Variants in ANK1 observed in about 807,000 individuals in gnomAD.
ANK1 encodes ankyrin-1.
A neutral mutation model predicts 210.4 loss-of-function variants in ANK1; 51 were observed. The ratio of observed to expected loss-of-function variants is 0.24; its 90% CI spans 0.19 to 0.31. ANK1 has a LOEUF of 0.31. Ranked by LOEUF, ANK1 falls within the 10% of genes least tolerant of loss-of-function variation. The pLI is 1.00. For missense variants in ANK1, 2,051 were observed against 2,504.4 expected (o/e 0.82, Z 3.86); for synonymous variants, 967 against 1,025.9 (o/e 0.94, Z 1.10).
intron 23 of ANK1, among the ~76,000 whole-genome samples, chr8:41,699,212 G>A (rs527284894): frequency 1.3e-4 from 20 of 152,254 alleles, no homozygotes; most frequent in African/African-American, 4.6e-4. Flanking sequence ...GGGTGGGAGA[G>A]GAGGGGAGCC....
rs1832823480 is a variant in ANK1 at position 41,734,001 on chromosome 8, G to A, written c.198C>T (p.His66=). ...GHVKMVVELL[H]KEIILETTTK... is the part of the protein sequence containing the mutation. ...TTGTCGTTTCTAGAATGATTTCTTT[G>A]TGCAGAAGTTCAACCACCATTTTCA... The change falls in exon 3 of 43, where the codon CAC becomes CAT. Residue 66 remains histidine (H), a synonymous_variant. Transcript: ENST00000289734. 1.9e-6 allele frequency: 3 copies of A among 1,614,068 alleles called. No homozygotes were observed. The South Asian group carries it at 3.3e-5, about 18-fold the overall frequency.
chr8:41,871,185 C>G (rs1187539605), intron 1 of ANK1, among the ~76,000 whole-genome samples: 1 of 152,190 alleles, frequency 6.6e-6, no homozygotes. Context: ...CTGCATTGTT[C>G]TCTGACGCAT....
intron 1 of ANK1, among the ~76,000 whole-genome samples, chr8:41,878,667 GAA>G: frequency 6.6e-6 from 1 of 152,308 alleles, no homozygotes; most frequent in East Asian, 1.9e-4. Flanking sequence ...TTTTAACACA[GAA>G]CAGAGCATTG....
At chr8:41,799,355 A>T (rs1849493379), upstream of ANK1, among the ~76,000 whole-genome samples, 1 of 152,162 alleles carries the variant, frequency 6.6e-6, no homozygotes, top group African/African-American at 2.4e-5. Flanking sequence ...CAGGGGCAAG[A>T]ATGAAGCTTA....
chr8:41,838,401 A>T (rs1247191343), intron 1 of ANK1, among the ~76,000 whole-genome samples: 1 of 152,212 alleles, frequency 6.6e-6, no homozygotes, highest in East Asian at 1.9e-4. Flanking sequence ...TAGTAAAGCT[A>T]ACATTTATTA....
Position 41,690,353 on chromosome 8 carries a change from T to A in ANK1, c.3985-7A>T. 1.2e-6 allele frequency: 2 copies of A among 1,614,162 alleles called. No homozygotes were observed. The highest frequency in any genetic ancestry group is 1.7e-6 in the Non-Finnish European group (2 of 1,180,022). On this transcript the variant is annotated splice_region_variant and splice_polypyrimidine_tract_variant and intron_variant, in intron 32 of 42. Coordinates refer to ENST00000289734, the MANE Select transcript of ANK1 (RefSeq NM_000037.4). Reference sequence around the variant, plus strand: ...CTCGACTGCTGTCCCTCACCTAAACTCAATCACACAAAGGAGAATTCAGGG... The same window carrying A: ...CTCGACTGCTGTCCCTCACCTAAACACAATCACACAAAGGAGAATTCAGGG...
intron 1 of ANK1, among the ~76,000 whole-genome samples, chr8:41,864,919 G>C (rs777817029): frequency 6.6e-6 from 1 of 152,200 alleles, no homozygotes; most frequent in Non-Finnish European, 1.5e-5. Flanking sequence ...CTCCTCTCAG[G>C]GGAGGTCTGT....
At chr8:41,820,691 C>A (rs560423626) in intron 1 of ANK1, among the ~76,000 whole-genome samples, 1 of 152,220 alleles carries the variant, frequency 6.6e-6, no homozygotes, top group East Asian at 1.9e-4. Flanking sequence ...GCTTTCCCCA[C>A]CTTCTAGGTC....
At chr8:41,803,017 GAA>G (rs1321158712) in intron 1 of ANK1, among the ~76,000 whole-genome samples, 1 of 84,042 alleles carries the variant, frequency 1.2e-5, no homozygotes, top group African/African-American at 5.2e-5. Flanking sequence ...AAGAAAGAAA[GAA>G]AGAAAGAAAG....
At chr8:41,677,278 T>G (rs1814469483) in intron 37 of ANK1, among the ~76,000 whole-genome samples, 3 of 152,210 alleles carry the variant, frequency 2.0e-5, no homozygotes, top group Admixed American at 2.0e-4. Flanking sequence ...TCAATGTTAT[T>G]GATCTTTTCA....
intron 1 of ANK1, among the ~76,000 whole-genome samples, chr8:41,780,748 A>T (rs560516452): frequency 6.6e-6 from 1 of 152,324 alleles, no homozygotes; most frequent in South Asian, 2.1e-4. Flanking sequence ...ATGCATGTGC[A>T]CGAGTGTGTG....
intron 6 of ANK1, 87 bp from the exon 7 acceptor site, chr8:41,724,641 G>A: frequency 8.1e-7 from 1 of 1,237,252 alleles, no homozygotes; most frequent in Non-Finnish European, 1.1e-6. Context: ...AACTCAGGTG[G>A]GGCAACAGGA....
chr8:41,743,130 G>GCAGGTCTGCCCACAACAGAATATATTACA (rs1835210224), intron 2 of ANK1, among the ~76,000 whole-genome samples: 1 of 151,880 alleles, frequency 6.6e-6, no homozygotes, highest in Admixed American at 6.6e-5. Flanking sequence ...AATATATTAC[G>GCAGGTCTGCCCACAACAGAATATATTACA]TTTGCAGGTC....
intron 26 of ANK1, 61 bp from the exon 27 acceptor site, chr8:41,695,392 A>AG: frequency 6.2e-7 from 1 of 1,608,804 alleles, no homozygotes; most frequent in Non-Finnish European, 8.5e-7. Flanking sequence ...GGGCACAGGG[A>AG]GGGATGGGGC....
intron 1 of ANK1, chr8:41,840,297 C>G (rs906748962): frequency 6.6e-6 from 1 of 152,042 alleles, no homozygotes; most frequent in African/African-American, 2.4e-5. Context: ...TGCACTCAAG[C>G]GATCCTCTCA....
intron 22 of ANK1, chr8:41,700,336 T>G (rs1822392727): frequency 1.5e-6 from 2 of 1,348,214 alleles, no homozygotes; most frequent in African/African-American, 2.9e-5. Context: ...CAGAGGAAGA[T>G]GGAAAGCAGG....
chr8:41,672,391 G>T lies in ANK1; in HGVS notation c.5059C>A (p.Pro1687Thr), dbSNP rs373292524. 3.1e-6 allele frequency: 5 copies of T among 1,614,054 alleles called. No individual in the cohort carries two copies. In the African/African-American group the frequency reaches 6.7e-5, roughly 22 times the overall value. ...CTCTCCGTCACCTGACTCACGGTGGGGGAATGTGTGATTCGGGCTTGCCCC... is the reference window on the plus strand; with the variant it reads ...CTCTCCGTCACCTGACTCACGGTGGTGGAATGTGTGATTCGGGCTTGCCCC... ...QRGQARITHS[P>T]TVSQVTERSQ... Residue 1687 changes from proline (P) to threonine (T), a missense_variant, in exon 38 of 43, where the codon CCC (proline) becomes ACC (threonine). Physicochemically the swap from Pro to Thr is conservative, Grantham distance 38. Around this residue, in one of 6 missense-constraint regions of ANK1, gnomAD observed 496 missense variants for 533.4 expected, o/e 0.93. Transcript: ENST00000289734.
At chr8:41,707,117 A>G (rs1824803475) in intron 17 of ANK1, among the ~76,000 whole-genome samples, 1 of 152,120 alleles carries the variant, frequency 6.6e-6, no homozygotes, top group Admixed American at 6.5e-5. Flanking sequence ...TAAATAAATA[A>G]TGTACCATAC....
chr8:41,655,715 A>T lies in ANK1; in HGVS notation c.*75T>A, dbSNP rs564694731. 31 of 1,613,970 alleles carry T rather than the reference A, an allele frequency of 1.9e-5. No homozygotes were observed. In the East Asian group the frequency reaches 6.9e-4, roughly 36 times the overall value. ...AGCTCTCCTCCTGTGTGCATGGCAG[A>T]GTGTGTGGGGTTCAGGGGTTGGGTG... On this transcript the variant is annotated 3_prime_UTR_variant, in exon 43 of 43. Transcript: ENST00000289734.
Sources: allele counts gnomAD v4.1 joint callset (sites outside exome capture counted in the v4.1 genomes callset), GRCh38; gene constraint gnomAD v4.1.1; regional missense constraint gnomAD v4.1.1; transcripts MANE v1.5; gene names NCBI Gene and HGNC (gene_info 2026-07-23, HGNC 2026-07-21).